CELF4: variants seen among roughly 807,000 people sequenced by gnomAD.
CELF4 encodes the protein CUG-BP- and ETR-3-like factor 4.
CELF4 carries 18 observed loss-of-function variants against 59.9 expected under a neutral mutation model. The ratio of observed to expected loss-of-function variants is 0.30; its 90% CI spans 0.21 to 0.45. CELF4 has a LOEUF of 0.45. CELF4 is among the 20% of genes least tolerant of loss of function. The probability of loss-of-function intolerance (pLI) is 1.00; values close to 1 mark genes in which losing one functional copy is unlikely to be tolerated. For missense variants in CELF4, 456 were observed against 689.0 expected (o/e 0.66, Z 3.79); for synonymous variants, 261 against 267.1 (o/e 0.98, Z 0.22).
intron 2 of CELF4, among the ~76,000 whole-genome samples, chr18:37,478,801 C>T (rs962132947): frequency 6.6e-6 from 1 of 152,190 alleles, no homozygotes; most frequent in African/African-American, 2.4e-5. Flanking sequence ...TTGGGCTTCT[C>T]TCTTGGAACC....
chr18:37,243,883 C>A lies in CELF4; in HGVS notation c.*1359G>T, dbSNP rs1269231084. Reference sequence around the variant, plus strand: ...AGGTGAGTGAAGCGCGCGCAGCTCCCAGAGGGAAGCGAGAGGCGAGGATGA... The same window carrying A: ...AGGTGAGTGAAGCGCGCGCAGCTCCAAGAGGGAAGCGAGAGGCGAGGATGA... On this transcript the variant is annotated 3_prime_UTR_variant, in exon 13 of 13. Coordinates refer to ENST00000420428, the MANE Select transcript of CELF4 (RefSeq NM_020180.4). 1 of 185,844 alleles carries A rather than the reference C, an allele frequency of 5.4e-6. No homozygotes were observed. Among genetic ancestry groups the A allele is most frequent in the African/African-American group, 2.4e-5 (1 of 42,022 alleles). 11.5% of individuals were successfully genotyped at this position (185,844 alleles called of 1,614,324 possible).
At chr18:37,315,059 G>A (rs1332204426) in intron 3 of CELF4, among the ~76,000 whole-genome samples, 2 of 152,000 alleles carry the variant, frequency 1.3e-5, no homozygotes, top group African/African-American at 2.4e-5. Flanking sequence ...GTGCTTTTCA[G>A]TTCTGGGTTC....
At chr18:37,349,886 C>G (rs1289331975) in intron 2 of CELF4, among the ~76,000 whole-genome samples, 1 of 152,132 alleles carries the variant, frequency 6.6e-6, no homozygotes, top group East Asian at 1.9e-4. Context: ...AGGGGCTGCA[C>G]TGAAAAGGGG....
chr18:37,434,493 T>C (rs957766207), intron 2 of CELF4, among the ~76,000 whole-genome samples: 1 of 152,162 alleles, frequency 6.6e-6, no homozygotes, highest in Non-Finnish European at 1.5e-5. Flanking sequence ...AACAGGGGGC[T>C]GTGCCATCAT....
At chr18:37,326,991 T>C (rs1371846957) in intron 2 of CELF4, among the ~76,000 whole-genome samples, 1 of 152,202 alleles carries the variant, frequency 6.6e-6, no homozygotes, top group Non-Finnish European at 1.5e-5. Context: ...GTCAAGCTCA[T>C]TTGAACCAGC....
chr18:37,465,019 CTT>C (rs1177400703), intron 2 of CELF4, among the ~76,000 whole-genome samples: 1 of 152,150 alleles, frequency 6.6e-6, no homozygotes, highest in African/African-American at 2.4e-5. Context: ...GGGAAAGTCT[CTT>C]AACCTCCACA....
intron 2 of CELF4, among the ~76,000 whole-genome samples, chr18:37,381,042 A>ACCAT (rs1249648750): frequency 7.0e-6 from 1 of 143,292 alleles, no homozygotes; most frequent in African/African-American, 2.6e-5. Context: ...TCCATCATCT[A>ACCAT]CCATCCATCC....
chr18:37,391,563 A>T (rs1053964861), intron 2 of CELF4, among the ~76,000 whole-genome samples: 2 of 152,056 alleles, frequency 1.3e-5, no homozygotes, highest in Non-Finnish European at 2.9e-5. Flanking sequence ...CATTGCCATG[A>T]TCTGTTCATG....
intron 2 of CELF4, among the ~76,000 whole-genome samples, chr18:37,402,580 A>G (rs1782473395): frequency 6.6e-6 from 1 of 152,174 alleles, no homozygotes; most frequent in Admixed American, 6.5e-5. Flanking sequence ...GTGAGGGTAG[A>G]AGCTCTTTGT....
chr18:37,274,331 A>G lies in CELF4; in HGVS notation c.781T>C (p.Tyr261His), dbSNP rs200327682. 6.2e-7 allele frequency: 1 copy of G among 1,612,750 alleles called. No individual in the cohort carries two copies. Among genetic ancestry groups the G allele is most frequent in the Non-Finnish European group, 8.5e-7 (1 of 1,179,630 alleles). Residue 261 changes from tyrosine to histidine, a missense_variant, in exon 6 of 13, where the codon TAC (tyrosine) becomes CAC (histidine). Around this residue, in one of 7 missense-constraint regions of CELF4, gnomAD observed 256 missense variants for 340.8 expected, o/e 0.75. Transcript: ENST00000420428. ...CTTACTGCCTGAGCGTAGGCGCCGT[A>G]GGCCCCGAAAGGGATGGCCATGGGG... is the stretch of plus-strand genomic sequence containing the variant. ...FNPMAIPFGAYGAYAQALMQQ... is the reference protein window; with the variant it reads ...FNPMAIPFGAHGAYAQALMQQ...
chr18:37,367,632 A>G (rs2098801920), intron 2 of CELF4, among the ~76,000 whole-genome samples: 1 of 151,758 alleles, frequency 6.6e-6, no homozygotes, highest in Non-Finnish European at 1.5e-5. Context: ...GTGTAGGAAC[A>G]GAGGAACAGA....
Position 37,406,911 on chromosome 18 carries a change from C to T in CELF4, c.369+78614G>A, listed in dbSNP as rs113996926. The stretch of plus-strand genomic sequence containing the variant: ...AATTCAAGGTGGGCCTGTCTAGGAG[C>T]GGGTGAAGGAGACCAGTCTGAACAA... On this transcript the variant is annotated intron_variant, in intron 2 of 12. Transcript: ENST00000420428. Among the ~76,000 whole-genome samples, 1,477 of 152,060 alleles carry T rather than the reference C, an allele frequency of 9.7e-3. 19 individuals carry two copies. Among genetic ancestry groups the T allele is most frequent in the African/African-American group, 0.034 (1,412 of 41,494 alleles).
chr18:37,307,947 A>T (rs2096497350), intron 3 of CELF4, among the ~76,000 whole-genome samples: 1 of 152,156 alleles, frequency 6.6e-6, no homozygotes, highest in Non-Finnish European at 1.5e-5. Flanking sequence ...GAAGGGTCAG[A>T]GATGACTTTC....
At chr18:37,506,297 G>A (rs2099937912) in intron 1 of CELF4, among the ~76,000 whole-genome samples, 1 of 152,162 alleles carries the variant, frequency 6.6e-6, no homozygotes. Context: ...GAAACTAATT[G>A]TATAGGCTTG....
intron 2 of CELF4, among the ~76,000 whole-genome samples, chr18:37,343,385 G>A (rs980604463): frequency 1.4e-5 from 2 of 147,952 alleles, no homozygotes; most frequent in African/African-American, 5.0e-5. Context: ...GTAGACACGG[G>A]GTGGGGAGGG....
chr18:37,339,778 G>A (rs1017550536), intron 2 of CELF4, among the ~76,000 whole-genome samples: 5 of 151,786 alleles, frequency 3.3e-5, no homozygotes, highest in Non-Finnish European at 7.4e-5. Context: ...AAAGGCCTGG[G>A]AGGCATCTTG....
At chr18:37,415,694 T>C (rs975148463) in intron 2 of CELF4, among the ~76,000 whole-genome samples, 4 of 152,238 alleles carry the variant, frequency 2.6e-5, no homozygotes, top group African/African-American at 9.6e-5. Context: ...TATTCTGCTG[T>C]ATATGGAGCC....
chr18:37,308,968 G>C (rs1239882544), intron 3 of CELF4, among the ~76,000 whole-genome samples: 1 of 152,110 alleles, frequency 6.6e-6, no homozygotes, highest in Non-Finnish European at 1.5e-5. Context: ...GCTTGCACCT[G>C]GGCAGGTTCA....
intron 1 of CELF4, among the ~76,000 whole-genome samples, chr18:37,513,326 A>T (rs2099946690): frequency 6.6e-6 from 1 of 152,130 alleles, no homozygotes; most frequent in Non-Finnish European, 1.5e-5. Context: ...CTTTCAATCC[A>T]TATCTGTCAT....
Sources: gnomAD v4.1 joint callset for allele counts (sites outside exome capture counted in the v4.1 genomes callset) on GRCh38, gnomAD v4.1.1 for gene constraint, gnomAD v4.1.1 regional missense constraint, MANE v1.5 for transcripts, NCBI Gene and HGNC (gene_info 2026-07-23, HGNC 2026-07-21) for gene names.